The following SV2B variants were observed in gnomAD, a reference collection of about 807,000 sequenced individuals.
SV2B encodes the protein solute carrier family 22 member B2.
Under a neutral mutation model 73.9 loss-of-function variants are expected in SV2B, and 41 were observed. The observed-to-expected ratio is 0.56, with a 90% CI of 0.43 to 0.72. SV2B has a LOEUF of 0.72. SV2B is among the 30% of genes least tolerant of loss of function. SV2B has a pLI of 0.00. For missense variants in SV2B, 764 were observed against 857.8 expected, an observed-to-expected ratio of 0.89 and a Z score of 1.37; for synonymous variants, 314 against 314.2, an observed-to-expected ratio of 1.00 and a Z score of 0.01.
intron 9 of SV2B, among the ~76,000 whole-genome samples, chr15:91,277,411 G>A (rs554561929): frequency 9.8e-5 from 15 of 152,312 alleles, no homozygotes; most frequent in African/African-American, 3.6e-4. Flanking sequence ...AAGGCATGCA[G>A]TCATGTAACC....
intron 9 of SV2B, among the ~76,000 whole-genome samples, chr15:91,277,764 A>G (rs1211805907): frequency 2.0e-5 from 3 of 152,200 alleles, no homozygotes; most frequent in Non-Finnish European, 4.4e-5. Context: ...TGTTTGACTT[A>G]GGATGTTTCT....
Position 91,132,576 on chromosome 15 carries a change from G to C in SV2B, c.-392+32213G>C, listed in dbSNP as rs931167324. On this transcript the variant is annotated intron_variant, in intron 1 of 12. Coordinates refer to ENST00000394232, the MANE Select transcript of SV2B (RefSeq NM_001323032.3). This position sits in a 1 kb window ranked among gnomAD's most constrained non-coding sequence, Gnocchi z 4.6. ...TCTGCTCTGCAGAAAAGGTCAAAGG[G>C]ACCAGTAGCCTCTGGTCCTTTTGTT... Among the ~76,000 whole-genome samples the C allele has an allele frequency of 6.6e-6, 1 of 152,188 alleles. No homozygotes were observed.
Position 91,299,083 on chromosome 15 carries a change from G to A in SV2B, c.*6531G>A, listed in dbSNP as rs2049349825. The A allele has an allele frequency of 6.6e-6, 1 of 151,574 alleles. No homozygotes were observed. Among genetic ancestry groups the A allele is most frequent in the African/African-American group, 2.4e-5 (1 of 41,208 alleles). The allele number at this position is 151,574 out of a possible 1,614,324, so 9.4% of individuals were successfully genotyped here. On this transcript the variant is annotated 3_prime_UTR_variant, in exon 13 of 13. Coordinates refer to ENST00000394232, the MANE Select transcript of SV2B (RefSeq NM_001323032.3). ...CTTGATTTAGTCACTCTAAAATGTG[G>A]GTGTGTATATATACATACATATATA...
intron 1 of SV2B, among the ~76,000 whole-genome samples, chr15:91,182,907 C>T (rs190157248): frequency 1.3e-5 from 2 of 152,336 alleles, no homozygotes; most frequent in East Asian, 3.9e-4. Context: ...AGCTGTTATT[C>T]ATCTGTATAC....
rs1371792224 is a variant in SV2B, at chr15:91,268,450, A to T, written c.1218A>T (p.Gly406=). 1.9e-6 allele frequency: 3 copies of T among 1,613,400 alleles called. No individual in the cohort carries two copies. The highest frequency in any genetic ancestry group is 2.5e-6 in the Non-Finnish European group (3 of 1,179,546). ...VWFAMAFSYY[G]LTVWFPDMIR... is the part of the protein sequence containing the mutation. ...GCCTTCTCCACTCCAGTTACTATGG[A>T]CTGACAGTTTGGTTTCCTGATATGA... Residue 406 remains glycine, a synonymous_variant, in exon 9 of 13, where the codon GGA becomes GGT. Coordinates refer to ENST00000394232, the MANE Select transcript of SV2B (RefSeq NM_001323032.3). The surrounding 1 kb of genome is among the most constrained non-coding windows in gnomAD (Gnocchi z 4.4).
chr15:91,212,430 G>C (rs576246949), intron 1 of SV2B, among the ~76,000 whole-genome samples: 1 of 152,172 alleles, frequency 6.6e-6, no homozygotes, highest in South Asian at 2.1e-4. Flanking sequence ...GTGTGCTCCT[G>C]CTAGAGTCAC....
chr15:91,233,022 G>A (rs925362214), intron 2 of SV2B, among the ~76,000 whole-genome samples: 2 of 152,126 alleles, frequency 1.3e-5, no homozygotes, highest in Admixed American at 6.6e-5. Context: ...CCATGTTGTT[G>A]TAAAGAACAT....
Position 91,280,839 on chromosome 15 carries a change from C to T in SV2B, c.1374-889C>T, listed in dbSNP as rs866922224. Among the ~76,000 whole-genome samples the T allele has an allele frequency of 4.6e-5, 7 of 152,180 alleles. No homozygotes were observed. The highest frequency in any genetic ancestry group is 6.5e-5 in the Admixed American group (1 of 15,280). On this transcript the variant is annotated intron_variant, in intron 9 of 12. Transcript: ENST00000394232. The surrounding 1 kb of genome is among the most constrained non-coding windows in gnomAD (Gnocchi z 5.8). ...TCCATTGTGCCTCCCTGGAAACAAC[C>T]GTTTCTATCAGTTTCTTGTGTAGCT...
intron 1 of SV2B, among the ~76,000 whole-genome samples, chr15:91,170,565 G>T (rs2044088519): frequency 6.6e-6 from 1 of 152,184 alleles, no homozygotes. Context: ...GGGATTACAG[G>T]CATGAGCCAC....
At chr15:91,270,842 G>GC (rs1567417704) in intron 9 of SV2B, among the ~76,000 whole-genome samples, 3 of 115,932 alleles carry the variant, frequency 2.6e-5, no homozygotes, top group African/African-American at 1.1e-4. Context: ...TGGATGATGG[G>GC]GGGACGGTGA....
rs1347542136 is a variant in SV2B at position 91,139,122 on chromosome 15, T to TA, written c.-392+38759_-392+38760insA. Among the ~76,000 whole-genome samples the TA allele has an allele frequency of 6.6e-6, 1 of 152,194 alleles. No individual in the cohort carries two copies. The highest frequency in any genetic ancestry group is 1.5e-5 in the Non-Finnish European group (1 of 68,038). ...AAATAGAGTCCTATTCTTTAAAAAT[T>TA]GTTACTGATGTGCGTATGGCTAAAA... On this transcript the variant is annotated intron_variant, in intron 1 of 12. Coordinates refer to ENST00000394232, the MANE Select transcript of SV2B (RefSeq NM_001323032.3). The surrounding 1 kb of genome is among the most constrained non-coding windows in gnomAD (Gnocchi z 5.2).
chr15:91,296,800 C>T lies in SV2B; in HGVS notation c.*4248C>T, dbSNP rs531479937. 6.6e-6 allele frequency: 1 copy of T among 152,484 alleles called. No homozygotes were observed. The highest frequency in any genetic ancestry group is 2.5e-5 in the African/African-American group (1 of 40,106). The allele number at this position is 152,484 out of a possible 1,614,324, so 9.4% of individuals were successfully genotyped here. On this transcript the variant is annotated 3_prime_UTR_variant, in exon 13 of 13. Coordinates refer to ENST00000394232, the MANE Select transcript of SV2B (RefSeq NM_001323032.3). The stretch of plus-strand genomic sequence containing the variant: ...ACTCCTTCTGCCCAATCATTGGGCT[C>T]ACGCTCCTTCTGCCCGATCGCTGGG...
At position 91,139,263 on chromosome 15, in the gene SV2B, C is replaced by G. The variant is rs149049701; in HGVS notation, c.-392+38900C>G. ...AGATTGGAATGAGTTGATAATTGTT[C>G]GAGTTAGCTGGTGGGTACATGGTAG... On this transcript the variant is annotated intron_variant, in intron 1 of 12. Transcript: ENST00000394232. This position sits in a 1 kb window ranked among gnomAD's most constrained non-coding sequence, Gnocchi z 5.2. Among the ~76,000 whole-genome samples the G allele has an allele frequency of 2.6e-5, 4 of 151,864 alleles. No individual in the cohort carries two copies. In the East Asian group the frequency reaches 7.7e-4, roughly 29 times the overall value.
rs1264085103 is a variant in SV2B, at chr15:91,289,761, C to T, written c.1868+81C>T. Reference sequence around the variant, plus strand: ...GTCTACCTGCTCCCTAAATCTCATGCTGTGCATGGCCATCGTGGTCTTTCT... The same window carrying T: ...GTCTACCTGCTCCCTAAATCTCATGTTGTGCATGGCCATCGTGGTCTTTCT... On this transcript the variant is annotated intron_variant, in intron 12 of 12. Transcript: ENST00000394232. The surrounding 1 kb of genome is among the most constrained non-coding windows in gnomAD (Gnocchi z 4.9). The T allele has an allele frequency of 8.4e-6, 12 of 1,432,712 alleles. 1 individual carries two copies. The East Asian group carries it at 2.4e-4, about 28-fold the overall frequency. The allele number at this position is 1,432,712 out of a possible 1,614,324, so 88.7% of individuals were successfully genotyped here.
chr15:91,101,616 G>C (rs781019236), intron 1 of SV2B, among the ~76,000 whole-genome samples: 10 of 152,112 alleles, frequency 6.6e-5, no homozygotes, highest in African/African-American at 2.2e-4. Flanking sequence ...ATTGATAGTG[G>C]CAGTGATTAG....
chr15:91,206,043 G>T (rs2045625267), intron 1 of SV2B, among the ~76,000 whole-genome samples: 1 of 151,666 alleles, frequency 6.6e-6, no homozygotes, highest in South Asian at 2.1e-4. Context: ...GTTGTGGGTG[G>T]TTGTTTGTTT....
In SV2B at chr15:91,123,513, C is replaced by T. The variant is rs1416959967; in HGVS notation, c.-392+23150C>T. Reference sequence around the variant, plus strand: ...AGGCCATAAAACCACAGAGCCTGCACTTGGGTACCCCGGGAGAACTTAGGG... The same window carrying T: ...AGGCCATAAAACCACAGAGCCTGCATTTGGGTACCCCGGGAGAACTTAGGG... On this transcript the variant is annotated intron_variant, in intron 1 of 12. Coordinates refer to ENST00000394232, the MANE Select transcript of SV2B (RefSeq NM_001323032.3). This position sits in a 1 kb window ranked among gnomAD's most constrained non-coding sequence, Gnocchi z 4.7. 1.3e-5 allele frequency among the ~76,000 whole-genome samples: 2 copies of T among 152,140 alleles called. No individual in the cohort carries two copies. Among genetic ancestry groups the T allele is most frequent in the Non-Finnish European group, 2.9e-5 (2 of 68,038 alleles).
chr15:91,148,245 C>G (rs1050340357), intron 1 of SV2B, among the ~76,000 whole-genome samples: 1 of 152,068 alleles, frequency 6.6e-6, no homozygotes, highest in Non-Finnish European at 1.5e-5. Context: ...TCCCAAAGTG[C>G]TGGGATTACA....
At chr15:91,173,596 C>A (rs1341955601) in intron 1 of SV2B, among the ~76,000 whole-genome samples, 2 of 152,330 alleles carry the variant, frequency 1.3e-5, no homozygotes, top group Non-Finnish European at 2.9e-5. Context: ...TCTTTGCCTT[C>A]AACCCATGCA....
Sources: allele counts gnomAD v4.1 joint callset (sites outside exome capture counted in the v4.1 genomes callset), GRCh38; gene constraint gnomAD v4.1.1; non-coding constraint Gnocchi (gnomAD v3.1); transcripts MANE v1.5; gene names NCBI Gene and HGNC (gene_info 2026-07-23, HGNC 2026-07-21).